CTNNBL1: variants seen among roughly 807,000 people sequenced by gnomAD.
CTNNBL1 encodes the protein catenin beta like 1, also known as beta-catenin-like protein 1.
A neutral mutation model predicts 72.7 loss-of-function variants in CTNNBL1; 31 were observed. The observed-to-expected ratio is 0.43, with a 90% CI of 0.32 to 0.58. CTNNBL1 has a LOEUF of 0.58. Ranked by LOEUF, CTNNBL1 falls within the 20% of genes least tolerant of loss-of-function variation. CTNNBL1 has a pLI of 0.08. For synonymous variants in CTNNBL1, 240 were observed against 267.3 expected (o/e 0.90, Z 1.00); for missense variants, 534 against 725.1 (o/e 0.74, Z 3.03).
intron 10 of CTNNBL1, among the ~76,000 whole-genome samples, chr20:37,801,315 T>A (rs191917238): frequency 2.6e-5 from 4 of 152,324 alleles, no homozygotes; most frequent in Non-Finnish European, 4.4e-5. Flanking sequence ...TCTACCACAG[T>A]GCTAAGTAGT....
At chr20:37,832,790 CTT>C (rs200142358) in intron 11 of CTNNBL1, among the ~76,000 whole-genome samples, 120,329 of 148,156 alleles carry the variant, frequency 0.81, 48,664 homozygotes, top group Middle Eastern at 0.89. Flanking sequence ...GTGGACCATA[CTT>C]TTTTTTTTTT....
intron 1 of CTNNBL1, among the ~76,000 whole-genome samples, chr20:37,730,462 T>C (rs569024715): frequency 6.6e-5 from 10 of 152,328 alleles, no homozygotes; most frequent in African/African-American, 2.2e-4. Context: ...GAGAAAAGAA[T>C]TATAATGTCC....
chr20:37,844,173 T>G (rs1228823435), intron 13 of CTNNBL1, among the ~76,000 whole-genome samples: 1 of 152,282 alleles, frequency 6.6e-6, no homozygotes, highest in African/African-American at 2.4e-5. Flanking sequence ...ATGAGACAGT[T>G]AGAACTCCAG....
At chr20:37,857,391 T>C (rs1386790057) in intron 13 of CTNNBL1, among the ~76,000 whole-genome samples, 1 of 152,210 alleles carries the variant, frequency 6.6e-6, no homozygotes, top group Non-Finnish European at 1.5e-5. Flanking sequence ...GGGCGCATGC[T>C]GCATTTCACA....
chr20:37,832,569 A>G (rs1389747350), intron 11 of CTNNBL1, among the ~76,000 whole-genome samples: 1 of 152,262 alleles, frequency 6.6e-6, no homozygotes, highest in East Asian at 1.9e-4. Context: ...ATTTGAATCC[A>G]TGTCCCTGTG....
Position 37,699,979 on chromosome 20 carries a change from G to A in CTNNBL1, c.30+5827G>A, listed in dbSNP as rs375310671. ...CTCAGTTTCCTCATATGCCTAATGA[G>A]GGGATTAAGTACGCGACTCTCTCTG... On this transcript the variant is annotated intron_variant, in intron 1 of 15. Coordinates refer to ENST00000361383, the MANE Select transcript of CTNNBL1 (RefSeq NM_030877.5). 9.8e-5 allele frequency among the ~76,000 whole-genome samples: 15 copies of A among 152,290 alleles called. No individual in the cohort carries two copies. The South Asian group carries it at 1.9e-3, about 19-fold the overall frequency.
chr20:37,725,976 T>C (rs2073080960), intron 1 of CTNNBL1, among the ~76,000 whole-genome samples: 1 of 151,928 alleles, frequency 6.6e-6, no homozygotes, highest in South Asian at 2.1e-4. Flanking sequence ...AGAGTGAGGC[T>C]CCGTCTCAAA....
At chr20:37,869,290 C>T (rs142157368) in intron 15 of CTNNBL1, among the ~76,000 whole-genome samples, 89 of 152,296 alleles carry the variant, frequency 5.8e-4, no homozygotes, top group African/African-American at 2.1e-3. Context: ...GTGGGGCTGA[C>T]AGGGGAGGGG....
intron 11 of CTNNBL1, 54 bp from the exon 12 acceptor site, chr20:37,840,048 G>T: frequency 1.5e-6 from 2 of 1,302,060 alleles, no homozygotes; most frequent in African/African-American, 1.5e-5. Context: ...TTGAAGAGAG[G>T]TAATAATTAC....
chr20:37,714,113 G>A (rs1331703729), intron 1 of CTNNBL1, among the ~76,000 whole-genome samples: 3 of 151,666 alleles, frequency 2.0e-5, no homozygotes, highest in African/African-American at 7.3e-5. Context: ...ATAAACTGCC[G>A]CAGAATCCTG....
rs1172313009 is a variant in CTNNBL1 at position 37,827,373 on chromosome 20, CTT to C, written c.1214-12726_1214-12725del. On this transcript the variant is annotated intron_variant, in intron 11 of 15. Coordinates refer to ENST00000361383, the MANE Select transcript of CTNNBL1 (RefSeq NM_030877.5). ...GGTCATTGGGTAGCTATTCACATCT[CTT>C]TTGATAACTAAGATCTTATAATTGA... Among the ~76,000 whole-genome samples, 5 of 152,292 alleles carry C rather than the reference CTT, an allele frequency of 3.3e-5. No individual in the cohort carries two copies. The East Asian group carries it at 7.7e-4, about 24-fold the overall frequency.
At chr20:37,869,742 G>A (rs1447920348) in intron 15 of CTNNBL1, among the ~76,000 whole-genome samples, 1 of 152,178 alleles carries the variant, frequency 6.6e-6, no homozygotes, top group Non-Finnish European at 1.5e-5. Flanking sequence ...TTACTGGCCT[G>A]AGCAAAGGAG....
chr20:37,743,414 T>TA (rs1435377652), intron 3 of CTNNBL1, among the ~76,000 whole-genome samples: 1 of 151,874 alleles, frequency 6.6e-6, no homozygotes, highest in Non-Finnish European at 1.5e-5. Flanking sequence ...TCTAAAAAAA[T>TA]AATCTATTTG....
chr20:37,759,032 G>A (rs1218061071), intron 5 of CTNNBL1, among the ~76,000 whole-genome samples: 1 of 152,224 alleles, frequency 6.6e-6, no homozygotes, highest in East Asian at 1.9e-4. Context: ...CACTGGTTAT[G>A]AAGAACTGGC....
At chr20:37,756,454 ATG>A (rs367894716) in intron 4 of CTNNBL1, 19 of 144,368 alleles carry the variant, frequency 1.3e-4, no homozygotes, top group African/African-American at 3.1e-4. Flanking sequence ...CCGTGTGTGT[ATG>A]TGTGTGTGTG....
chr20:37,762,623 G>T (rs2073427978), intron 5 of CTNNBL1, among the ~76,000 whole-genome samples: 1 of 152,164 alleles, frequency 6.6e-6, no homozygotes, highest in African/African-American at 2.4e-5. Flanking sequence ...TTTAGTTTCA[G>T]ACTTTGTCAC....
intron 11 of CTNNBL1, among the ~76,000 whole-genome samples, chr20:37,816,396 A>G (rs1009834547): frequency 3.9e-5 from 6 of 152,180 alleles, no homozygotes; most frequent in African/African-American, 1.4e-4. Flanking sequence ...AGTAGAAAGT[A>G]GCCCTGGGCT....
intron 3 of CTNNBL1, among the ~76,000 whole-genome samples, chr20:37,739,993 C>G (rs1234905548): frequency 1.3e-5 from 2 of 152,178 alleles, no homozygotes; most frequent in Non-Finnish European, 2.9e-5. Context: ...AGATACACGT[C>G]TCTCAATTTG....
chr20:37,754,619 G>A (rs1306991215), intron 4 of CTNNBL1, among the ~76,000 whole-genome samples: 1 of 151,954 alleles, frequency 6.6e-6, no homozygotes, highest in Admixed American at 6.6e-5. Context: ...AATTTATGGT[G>A]GAATTAAATG....
Sources: gnomAD v4.1 joint callset for allele counts (sites outside exome capture counted in the v4.1 genomes callset) on GRCh38, gnomAD v4.1.1 for gene constraint, MANE v1.5 for transcripts, NCBI Gene and HGNC (gene_info 2026-07-23, HGNC 2026-07-21) for gene names.